GRIN2A: variants seen among roughly 807,000 people sequenced by gnomAD.
The protein encoded by GRIN2A is glutamate receptor ionotropic, NMDA 2A.
GRIN2A carries 22 observed loss-of-function variants against 113.4 expected under a neutral mutation model. The ratio of observed to expected loss-of-function variants is 0.19; its 90% CI spans 0.14 to 0.28. The LOEUF (loss-of-function observed/expected upper bound fraction) is 0.28, where lower values mean the gene tolerates loss of function less well. GRIN2A is among the 10% of genes least tolerant of loss of function. The pLI, the probability that GRIN2A is intolerant of heterozygous loss-of-function variation, is 1.00. For synonymous variants in GRIN2A, 827 were observed against 738.4 expected, an observed-to-expected ratio of 1.12 and a Z score of -1.94; for missense variants, 1,502 against 1,887.0, an observed-to-expected ratio of 0.80 and a Z score of 3.78.
At chr16:9,782,865 G>A (rs909766377) in intron 11 of GRIN2A, among the ~76,000 whole-genome samples, 2 of 152,148 alleles carry the variant, frequency 1.3e-5, no homozygotes, top group African/African-American at 4.8e-5. Flanking sequence ...TTCCAAATAT[G>A]TCTCTAGTTA....
Position 9,877,653 on chromosome 16 carries a change from TC to T in GRIN2A, c.1122+13332del, listed in dbSNP as rs199860622. Among the ~76,000 whole-genome samples, 693 of 102,864 alleles carry T rather than the reference TC, an allele frequency of 6.7e-3. 12 individuals carry two copies. The highest frequency in any genetic ancestry group is 0.025 in the African/African-American group (649 of 25,886). 67.5% of individuals were successfully genotyped at this position (102,864 alleles called of 152,430 possible). A position where few individuals can be genotyped will look rare whatever the true frequency, so the allele number is the denominator to read the frequency against. ...CCAGTTCCGTCTTCCTCTCTCCCTC[TC>T]CCCCCTCTCTCTCCCCTTCTTCCCC... is the stretch of plus-strand genomic sequence containing the variant. On this transcript the variant is annotated intron_variant, in intron 4 of 12. Transcript: ENST00000330684.
chr16:9,848,472 T>C (rs1175865285), intron 5 of GRIN2A, among the ~76,000 whole-genome samples: 1 of 151,138 alleles, frequency 6.6e-6, no homozygotes, highest in Non-Finnish European at 1.5e-5. Flanking sequence ...CAGCTTGGCC[T>C]CCCAAAGTGC....
intron 3 of GRIN2A, among the ~76,000 whole-genome samples, chr16:9,929,054 G>A (rs571635961): frequency 6.6e-5 from 10 of 152,334 alleles, no homozygotes; most frequent in East Asian, 5.8e-4. Flanking sequence ...AATTTACAGC[G>A]TAACTCTTTC....
rs972174963 is a variant in GRIN2A, at chr16:10,005,223, T to C, written c.415-66672A>G. On this transcript the variant is annotated intron_variant, in intron 2 of 12. Transcript: ENST00000330684. ...CTTCTTTGCCAGCACTTATTTTAAA[T>C]AACTATTGATATAAAAAGTGACAGC... Among the ~76,000 whole-genome samples the C allele has an allele frequency of 2.0e-5, 3 of 152,174 alleles. No homozygotes were observed. In the South Asian group the frequency reaches 6.2e-4, roughly 32 times the overall value.
intron 1 of GRIN2A, among the ~76,000 whole-genome samples, chr16:10,181,061 C>G (rs1304539298): frequency 6.6e-6 from 1 of 152,210 alleles, no homozygotes; most frequent in East Asian, 1.9e-4. Flanking sequence ...CAGAGTACAC[C>G]CCAAGTGCTT....
At chr16:9,966,778 TA>T (rs2045563622) in intron 2 of GRIN2A, among the ~76,000 whole-genome samples, 2 of 152,206 alleles carry the variant, frequency 1.3e-5, no homozygotes, top group South Asian at 4.2e-4. Context: ...AAAGGCTTGT[TA>T]AAACACAGAC....
chr16:10,075,383 T>C (rs867941834), intron 2 of GRIN2A, among the ~76,000 whole-genome samples: 1 of 152,152 alleles, frequency 6.6e-6, no homozygotes. Context: ...ATGGGATACC[T>C]AAAATAGGCA....
chr16:9,759,325 A>G lies in GRIN2A; in HGVS notation c.*3824T>C. 1 of 222,260 alleles carries G rather than the reference A, an allele frequency of 4.5e-6. No homozygotes were observed. The highest frequency in any genetic ancestry group is 9.0e-6 in the Non-Finnish European group (1 of 111,190). 13.8% of individuals were successfully genotyped at this position (222,260 alleles called of 1,614,324 possible). A position where few individuals can be genotyped will look rare whatever the true frequency, so the allele number is the denominator to read the frequency against. On this transcript the variant is annotated 3_prime_UTR_variant, in exon 13 of 13. Coordinates refer to ENST00000330684, the MANE Select transcript of GRIN2A (RefSeq NM_001134407.3). ...TTTTTTCTTTTTCATTAGCAATTCTATTTGCAAATAATTCAGGGCATTTGT... is the reference window on the plus strand; with the variant it reads ...TTTTTTCTTTTTCATTAGCAATTCTGTTTGCAAATAATTCAGGGCATTTGT...
chr16:9,973,004 T>G (rs920805302), intron 2 of GRIN2A, among the ~76,000 whole-genome samples: 5 of 152,174 alleles, frequency 3.3e-5, no homozygotes, highest in Non-Finnish European at 7.3e-5. Flanking sequence ...TCACAGGGCG[T>G]TAAAATTGTC....
At chr16:10,101,704 A>T (rs1320227243) in intron 2 of GRIN2A, among the ~76,000 whole-genome samples, 1 of 152,206 alleles carries the variant, frequency 6.6e-6, no homozygotes, top group East Asian at 1.9e-4. Flanking sequence ...AGTCTACTTT[A>T]CCAATCCCTG....
chr16:9,891,306 G>A (rs1046935175), intron 3 of GRIN2A, among the ~76,000 whole-genome samples: 2 of 152,124 alleles, frequency 1.3e-5, no homozygotes, highest in Non-Finnish European at 2.9e-5. Context: ...TAATTAACAC[G>A]TGGAATGTAA....
intron 4 of GRIN2A, among the ~76,000 whole-genome samples, chr16:9,862,196 G>A (rs1251700254): frequency 1.3e-5 from 2 of 152,216 alleles, no homozygotes; most frequent in Non-Finnish European, 2.9e-5. Context: ...GGTTACTTAT[G>A]TAACCACTGG....
At chr16:9,912,925 T>G (rs1037937593) in intron 3 of GRIN2A, among the ~76,000 whole-genome samples, 3 of 152,232 alleles carry the variant, frequency 2.0e-5, no homozygotes, top group Non-Finnish European at 4.4e-5. Context: ...CCAAATAGTC[T>G]CCACATAGAA....
intron 2 of GRIN2A, among the ~76,000 whole-genome samples, chr16:10,055,089 A>G (rs2047430505): frequency 1.2e-5 from 1 of 82,222 alleles, no homozygotes; most frequent in African/African-American, 5.8e-5. Flanking sequence ...AAAAAAAGAA[A>G]AAAGAAAGAA....
intron 2 of GRIN2A, among the ~76,000 whole-genome samples, chr16:10,035,226 A>G (rs1014044364): frequency 7.9e-5 from 12 of 152,022 alleles, no homozygotes; most frequent in Non-Finnish European, 1.5e-4. Context: ...GGGTCTTGCT[A>G]TATTGCTCAC....
At chr16:10,030,454 G>A (rs2046907861) in intron 2 of GRIN2A, among the ~76,000 whole-genome samples, 1 of 152,130 alleles carries the variant, frequency 6.6e-6, no homozygotes, top group Admixed American at 6.5e-5. Flanking sequence ...CCTGCTATGG[G>A]GATGAGGGCA....
At chr16:9,952,956 G>T (rs17569386) in intron 2 of GRIN2A, among the ~76,000 whole-genome samples, 1 of 152,030 alleles carries the variant, frequency 6.6e-6, no homozygotes, top group Non-Finnish European at 1.5e-5. Context: ...TGCTTTCTGG[G>T]GTTGACGAGA....
intron 2 of GRIN2A, among the ~76,000 whole-genome samples, chr16:10,147,407 G>C (rs950684964): frequency 3.6e-5 from 5 of 138,786 alleles, no homozygotes; most frequent in Non-Finnish European, 7.5e-5. Context: ...TCAGGAGTTC[G>C]AGACCAGGCT....
At chr16:9,871,375 A>G (rs2043257593) in intron 4 of GRIN2A, among the ~76,000 whole-genome samples, 1 of 151,956 alleles carries the variant, frequency 6.6e-6, no homozygotes, top group African/African-American at 2.4e-5. Context: ...CTTTGGACCC[A>G]GGTCCTTTGA....
Sources: allele counts gnomAD v4.1 joint callset (sites outside exome capture counted in the v4.1 genomes callset), GRCh38; gene constraint gnomAD v4.1.1; transcripts MANE v1.5; gene names NCBI Gene and HGNC (gene_info 2026-07-23, HGNC 2026-07-21).